COL26A1: variants seen among roughly 807,000 people sequenced by gnomAD.
COL26A1 encodes the protein collagen alpha-1(XXVI) chain.
Under a neutral mutation model 59.3 loss-of-function variants are expected in COL26A1, and 41 were observed. The ratio of observed to expected loss-of-function variants is 0.69; its 90% CI spans 0.54 to 0.90. The LOEUF (loss-of-function observed/expected upper bound fraction) is 0.90. Among genes scored for constraint, COL26A1 ranks in the 40% least tolerant of loss-of-function variants. The pLI is 0.00. For missense variants in COL26A1, 612 were observed against 602.3 expected (o/e 1.02, Z -0.17); for synonymous variants, 266 against 256.0 (o/e 1.04, Z -0.37).
intron 3 of COL26A1, among the ~76,000 whole-genome samples, chr7:101,457,173 T>A (rs1200235456): frequency 6.6e-6 from 1 of 152,078 alleles, no homozygotes; most frequent in African/African-American, 2.4e-5. Flanking sequence ...AGTCCAACAC[T>A]GGGTGCAAGG....
chr7:101,505,292 TTG>T, intron 3 of COL26A1, among the ~76,000 whole-genome samples: 1 of 151,804 alleles, frequency 6.6e-6, no homozygotes, highest in East Asian at 1.9e-4. Context: ...TATGAGTGTG[TTG>T]TGTGTATGCA....
intron 1 of COL26A1, among the ~76,000 whole-genome samples, chr7:101,411,621 G>C (rs553141625): frequency 6.6e-6 from 1 of 152,274 alleles, no homozygotes; most frequent in South Asian, 2.1e-4. Context: ...GGAGGAGCAA[G>C]TCGGGGTTGA....
chr7:101,434,881 G>A (rs1182822670), intron 2 of COL26A1, among the ~76,000 whole-genome samples: 4 of 140,180 alleles, frequency 2.9e-5, no homozygotes, highest in African/African-American at 5.7e-5. Context: ...CTCCTCGTGT[G>A]TACAGGGTTG....
chr7:101,401,924 T>TA, intron 1 of COL26A1, among the ~76,000 whole-genome samples: 1 of 152,192 alleles, frequency 6.6e-6, no homozygotes, highest in South Asian at 2.1e-4. Flanking sequence ...TGCTGGGGGT[T>TA]ACGTGAACTG....
At chr7:101,554,710 C>T (rs1180120749) in intron 11 of COL26A1, among the ~76,000 whole-genome samples, 2 of 152,028 alleles carry the variant, frequency 1.3e-5, no homozygotes, top group South Asian at 2.1e-4. Flanking sequence ...TGCCACTGTA[C>T]TCCAGTCTGG....
At chr7:101,540,150 GTTCCAACA>G in intron 5 of COL26A1, 101 bp downstream of exon 5, 2 of 1,214,608 alleles carry the variant, frequency 1.6e-6, no homozygotes, top group Non-Finnish European at 1.1e-6. Flanking sequence ...AGACACTCTA[GTTCCAACA>G]TGCCATGTGG....
At chr7:101,446,046 C>CAAAAAAAAAAAA (rs60343304) in intron 2 of COL26A1, among the ~76,000 whole-genome samples, 26 of 50,998 alleles carry the variant, frequency 5.1e-4, no homozygotes, top group Non-Finnish European at 8.3e-4. Context: ...GACTCCGTCT[C>CAAAAAAAAAAAA]AAAAAAAAAA....
intron 3 of COL26A1, among the ~76,000 whole-genome samples, chr7:101,493,300 T>C (rs1794508219): frequency 6.7e-6 from 1 of 148,558 alleles, no homozygotes. Context: ...CCTCCATGCT[T>C]AGGCCCCAGT....
chr7:101,420,309 G>A (rs943671951), intron 2 of COL26A1, among the ~76,000 whole-genome samples: 1 of 151,806 alleles, frequency 6.6e-6, no homozygotes, highest in East Asian at 1.9e-4. Context: ...TGCTCCTACC[G>A]CAACAGAACC....
intron 3 of COL26A1, among the ~76,000 whole-genome samples, chr7:101,516,100 CCTGGGTTGGCCACCATTCAAATGT>C (rs1186621462): frequency 6.6e-6 from 1 of 152,090 alleles, no homozygotes; most frequent in Non-Finnish European, 1.5e-5. Flanking sequence ...TGGTTTTAGC[CCTGGGTTGGCCACCATTCAAATGT>C]GTGATTGTGG....
chr7:101,420,135 C>T (rs1453797542), intron 2 of COL26A1, 36 bp downstream of exon 2: 7 of 1,606,332 alleles, frequency 4.4e-6, no homozygotes, highest in Non-Finnish European at 5.9e-6. Context: ...CTGCCCTTCC[C>T]TCCCATTCCC....
At chr7:101,554,319 G>C (rs919725369) in intron 11 of COL26A1, among the ~76,000 whole-genome samples, 2 of 152,156 alleles carry the variant, frequency 1.3e-5, no homozygotes, top group Non-Finnish European at 2.9e-5. Flanking sequence ...TGCAAGACCA[G>C]AGAAAGGGAA....
intron 3 of COL26A1, among the ~76,000 whole-genome samples, chr7:101,524,417 T>G (rs1041903019): frequency 2.0e-4 from 31 of 152,122 alleles, no homozygotes; most frequent in African/African-American, 7.2e-4. Flanking sequence ...CAGAAAATGC[T>G]CTGTTGTTTC....
At chr7:101,510,795 C>T (rs144798193) in intron 3 of COL26A1, among the ~76,000 whole-genome samples, 164 of 152,304 alleles carry the variant, frequency 1.1e-3, no homozygotes, top group Non-Finnish European at 1.6e-3. Context: ...ATTGGGATTA[C>T]AGGCGTGAGC....
intron 3 of COL26A1, among the ~76,000 whole-genome samples, chr7:101,511,982 G>A (rs1278371961): frequency 6.6e-6 from 1 of 152,168 alleles, no homozygotes; most frequent in African/African-American, 2.4e-5. Flanking sequence ...GGGCAACAGA[G>A]TGAGACCCTG....
chr7:101,515,067 C>T (rs1010396989), intron 3 of COL26A1, among the ~76,000 whole-genome samples: 19 of 152,326 alleles, frequency 1.2e-4, no homozygotes, highest in African/African-American at 1.9e-4. Context: ...CCAGTGTGGA[C>T]GCCAGCCCTG....
intron 11 of COL26A1, among the ~76,000 whole-genome samples, 197 bp from the exon 12 acceptor site, chr7:101,555,590 C>T (rs1394649956): frequency 6.6e-6 from 1 of 152,114 alleles, no homozygotes; most frequent in African/African-American, 2.4e-5. Flanking sequence ...AGCTCTTTGT[C>T]TGTGAACAGG....
At chr7:101,415,751 T>C (rs1792357103) in intron 1 of COL26A1, among the ~76,000 whole-genome samples, 1 of 152,106 alleles carries the variant, frequency 6.6e-6, no homozygotes, top group Non-Finnish European at 1.5e-5. Flanking sequence ...TGCCTCAGCC[T>C]CCCGAGTAGC....
chr7:101,466,526 C>T (rs984313434), intron 3 of COL26A1, among the ~76,000 whole-genome samples: 129 of 152,076 alleles, frequency 8.5e-4, no homozygotes, highest in African/African-American at 3.0e-3. Context: ...ACATAGACCC[C>T]GTCTCTACAG....
Sources: allele counts gnomAD v4.1 joint callset (sites outside exome capture counted in the v4.1 genomes callset), GRCh38; gene constraint gnomAD v4.1.1; transcripts MANE v1.5; gene names NCBI Gene and HGNC (gene_info 2026-07-23, HGNC 2026-07-21).